The following EFCAB8 variants were observed in gnomAD, a reference collection of about 807,000 sequenced individuals.
EFCAB8 encodes EF-hand calcium binding domain 8.
A neutral mutation model predicts 116.3 loss-of-function variants in EFCAB8; 100 were observed. The observed-to-expected ratio is 0.86, with a 90% CI of 0.73 to 1.02. The LOEUF (loss-of-function observed/expected upper bound fraction) is 1.02. Ranked by LOEUF, EFCAB8 falls within the 50% of genes least tolerant of loss-of-function variation. EFCAB8 has a pLI of 0.00. For synonymous variants in EFCAB8, 558 were observed against 567.9 expected (o/e 0.98, Z 0.25); for missense variants, 1,320 against 1,416.9 (o/e 0.93, Z 1.10).
rs200506925 is a variant in EFCAB8, at chr20:32,889,362, A to G, written c.629A>G (p.His210Arg). ...TGGGTCATTGACATGGTATGTCTGCACAATATGAACCTCGTTGCAGTTGCG... is the reference window on the plus strand; with the variant it reads ...TGGGTCATTGACATGGTATGTCTGCGCAATATGAACCTCGTTGCAGTTGCG... ...PMWVIDMVCL[H>R]NMNLVAVAST... Residue 210 changes from histidine to arginine, a missense_variant, in exon 7 of 27, where the codon CAC (histidine) becomes CGC (arginine). Coordinates refer to ENST00000400522, the MANE Select transcript of EFCAB8 (RefSeq NM_001143967.2). 4.2e-4 allele frequency: 656 copies of G among 1,551,744 alleles called. 7 individuals carry two copies. Among genetic ancestry groups the G allele is most frequent in the Admixed American group, 6.3e-4 (32 of 50,982 alleles).
chr20:32,935,192 C>CTTTTTTTTTTTTTTTTTTT (rs753039647), intron 22 of EFCAB8, among the ~76,000 whole-genome samples: 17 of 34,044 alleles, frequency 5.0e-4, no homozygotes, highest in Admixed American at 9.3e-4. Context: ...TTCTTTCTTT[C>CTTTTTTTTTTTTTTTTTTT]TTTTTTTTTT....
intron 3 of EFCAB8, among the ~76,000 whole-genome samples, chr20:32,869,455 C>T (rs1313970428): frequency 6.6e-6 from 1 of 152,108 alleles, no homozygotes; most frequent in Non-Finnish European, 1.5e-5. Flanking sequence ...AGGCTGGTCT[C>T]GAGCTCCCGA....
At chr20:32,870,120 G>C (rs1984615575) in intron 3 of EFCAB8, among the ~76,000 whole-genome samples, 1 of 152,168 alleles carries the variant, frequency 6.6e-6, no homozygotes, top group Non-Finnish European at 1.5e-5. Context: ...ACTGTGATGT[G>C]GGCAGGAAAG....
At chr20:32,893,501 C>A (rs575522341) in intron 9 of EFCAB8, among the ~76,000 whole-genome samples, 2 of 152,248 alleles carry the variant, frequency 1.3e-5, no homozygotes, top group Admixed American at 6.5e-5. Flanking sequence ...ACCACGAGGG[C>A]TGGGGAGAGG....
chr20:32,943,788 C>T lies in EFCAB8; in HGVS notation c.2943C>T (p.Leu981=), dbSNP rs1988486596. The change falls in exon 23 of 27, where the codon CTC becomes CTT. Residue 981 remains leucine (L), a synonymous_variant. Coordinates refer to ENST00000400522, the MANE Select transcript of EFCAB8 (RefSeq NM_001143967.2). ...ACCGGGACGTCAAGGCTTGGAAACTCTCCGGTGATGCCATTGGTATGGGTC... is the reference window on the plus strand; with the variant it reads ...ACCGGGACGTCAAGGCTTGGAAACTTTCCGGTGATGCCATTGGTATGGGTC... ...GQDRDVKAWK[L]SGDAIGTFGL... is the part of the protein sequence containing the mutation. The T allele has an allele frequency of 2.4e-6, 1 of 416,796 alleles. No homozygotes were observed. Among genetic ancestry groups the T allele is most frequent in the Non-Finnish European group, 4.4e-6 (1 of 226,430 alleles). The allele number at this position is 416,796 out of a possible 1,614,324, so 25.8% of individuals were successfully genotyped here. A position where few individuals can be genotyped will look rare whatever the true frequency, so the allele number is the denominator to read the frequency against.
intron 3 of EFCAB8, among the ~76,000 whole-genome samples, chr20:32,872,009 C>A (rs1235648448): frequency 6.6e-6 from 1 of 152,186 alleles, no homozygotes; most frequent in Non-Finnish European, 1.5e-5. Context: ...CTGGAAGGAC[C>A]ATTAAGTGCT....
Position 32,878,683 on chromosome 20 carries a change from T to C in EFCAB8, c.328-21T>C, listed in dbSNP as rs767212373. ...CCATTTTGCCAATACCCTGCCTCCC[T>C]TGTGCTTTCTTTCGAGGCAGCAAAA... On this transcript the variant is annotated intron_variant, in intron 4 of 26. Transcript: ENST00000400522. The C allele has an allele frequency of 3.2e-6, 5 of 1,546,190 alleles. No individual in the cohort carries two copies. In the East Asian group the frequency reaches 9.8e-5, roughly 30 times the overall value.
intron 22 of EFCAB8, 146 bp from the exon 23 acceptor site, chr20:32,943,490 C>G (rs1277890837): frequency 1.2e-5 from 5 of 413,570 alleles, no homozygotes; most frequent in African/African-American, 2.1e-5. Context: ...CAAGCAAGTT[C>G]ATGTGGAATG....
chr20:32,863,509 A>G (rs145629173), intron 1 of EFCAB8, among the ~76,000 whole-genome samples: 223 of 152,338 alleles, frequency 1.5e-3, no homozygotes, highest in African/African-American at 5.2e-3. Context: ...AGGAGTAAAG[A>G]AACTTGTGAA....
intron 18 of EFCAB8, 27 bp downstream of exon 18, chr20:32,917,532 C>T (rs1246948247): frequency 6.5e-7 from 1 of 1,547,682 alleles, no homozygotes; most frequent in Admixed American, 2.0e-5. Flanking sequence ...ACACTCTCCT[C>T]CCACCCTTCT....
chr20:32,917,219 C>A, intron 17 of EFCAB8, 82 bp from the exon 18 acceptor site: 1 of 1,145,120 alleles, frequency 8.7e-7, no homozygotes, highest in South Asian at 1.5e-5. Context: ...CTCCCAGAAT[C>A]CTCAAGGCTC....
chr20:32,900,555 A>C (rs117708335), intron 11 of EFCAB8, among the ~76,000 whole-genome samples: 4,396 of 149,032 alleles, frequency 0.029, 92 homozygotes, highest in Non-Finnish European at 0.046. Context: ...TTCATTTTTT[A>C]ATTTTTATTA....
intron 4 of EFCAB8, among the ~76,000 whole-genome samples, chr20:32,878,129 T>C (rs1026980860): frequency 6.6e-6 from 1 of 152,008 alleles, no homozygotes; most frequent in Non-Finnish European, 1.5e-5. Flanking sequence ...AGCTGGGAAT[T>C]GTGGCATGCA....
chr20:32,904,259 C>T (rs1986568026), intron 11 of EFCAB8, among the ~76,000 whole-genome samples: 2 of 149,556 alleles, frequency 1.3e-5, no homozygotes, highest in African/African-American at 4.9e-5. Flanking sequence ...TGCCAAAGTG[C>T]TGGGATTACA....
rs535880993 is a variant in EFCAB8 at position 32,902,922 on chromosome 20, C to T, written c.1089-3640C>T. Among the ~76,000 whole-genome samples the T allele has an allele frequency of 9.2e-5, 14 of 152,320 alleles. No individual in the cohort carries two copies. The South Asian group carries it at 1.4e-3, about 16-fold the overall frequency. On this transcript the variant is annotated intron_variant, in intron 11 of 26. Transcript: ENST00000400522. ...GGTGCTGAGTGTGTGGACTGACCCC[C>T]GGCGTCTCCCCGACTGTCCCCTCTT...
At chr20:32,928,304 C>T (rs771804546) in intron 20 of EFCAB8, among the ~76,000 whole-genome samples, 2 of 151,420 alleles carry the variant, frequency 1.3e-5, no homozygotes, top group East Asian at 1.9e-4. Flanking sequence ...GGCACGATCT[C>T]GGCTCACTGC....
intron 26 of EFCAB8, 115 bp from the exon 27 acceptor site, chr20:32,961,021 C>G: frequency 1.1e-6 from 1 of 895,222 alleles, no homozygotes; most frequent in Non-Finnish European, 1.8e-6. Flanking sequence ...GGACACACGC[C>G]TTCTTGGCAT....
chr20:32,873,272 A>G (rs560819679), intron 3 of EFCAB8, among the ~76,000 whole-genome samples: 12 of 151,838 alleles, frequency 7.9e-5, no homozygotes, highest in Non-Finnish European at 1.6e-4. Context: ...AGCCCCCTGA[A>G]CTCTGAGGAT....
chr20:32,887,127 T>C (rs559349215), intron 6 of EFCAB8, among the ~76,000 whole-genome samples: 2 of 152,162 alleles, frequency 1.3e-5, no homozygotes, highest in African/African-American at 4.8e-5. Flanking sequence ...TGAGTTCTGA[T>C]GGAACAGGCT....
Sources: gnomAD v4.1 joint callset for allele counts (sites outside exome capture counted in the v4.1 genomes callset) on GRCh38, gnomAD v4.1.1 for gene constraint, MANE v1.5 for transcripts, NCBI Gene and HGNC (gene_info 2026-07-23, HGNC 2026-07-21) for gene names.